AK9: variants seen among roughly 807,000 people sequenced by gnomAD.
AK9 encodes the protein adenylate kinase 9.
Under a neutral mutation model 239.6 loss-of-function variants are expected in AK9, and 191 were observed. The ratio of observed to expected loss-of-function variants is 0.80; its 90% CI spans 0.71 to 0.90. The LOEUF is 0.90. Ranked by LOEUF, AK9 falls within the 40% of genes least tolerant of loss-of-function variation. The pLI, the probability that AK9 is intolerant of heterozygous loss-of-function variation, is 0.00. For synonymous variants in AK9, 689 were observed against 721.0 expected, an observed-to-expected ratio of 0.96 and a Z score of 0.71; for missense variants, 1,995 against 2,214.7, an observed-to-expected ratio of 0.90 and a Z score of 1.99.
chr6:109,665,034 C>A (rs566724439), intron 5 of AK9, among the ~76,000 whole-genome samples: 48 of 152,004 alleles, frequency 3.2e-4, no homozygotes, highest in Non-Finnish European at 5.7e-4. Flanking sequence ...AGCGAGACTC[C>A]GTCTCAAAAA....
At chr6:109,582,210 C>G (rs1766108128) in intron 19 of AK9, among the ~76,000 whole-genome samples, 2 of 152,172 alleles carry the variant, frequency 1.3e-5, no homozygotes, top group Non-Finnish European at 2.9e-5. Context: ...CATAACGCAG[C>G]CCATGGATCA....
In AK9 at chr6:109,516,462, C is replaced by T. The variant is rs1411145022; in HGVS notation, c.3814G>A (p.Glu1272Lys). 1 of 1,551,304 alleles carries T rather than the reference C, an allele frequency of 6.4e-7. No individual in the cohort carries two copies. The highest frequency in any genetic ancestry group is 1.4e-5 in the African/African-American group (1 of 72,998). The change falls in exon 30 of 41, where the codon GAA (glutamate) becomes AAA (lysine). Residue 1272 changes from glutamate (E) to lysine (K), a missense_variant. This residue lies in a region of AK9 where 1,290 missense variants were observed against 1,392.7 expected (regional missense o/e 0.93). Coordinates refer to ENST00000424296, the MANE Select transcript of AK9 (RefSeq NM_001145128.3). ...ATTTGTAAATTATGTGTATCTGCTT[C>T]AAATTTTTCTCCTAGTTCACCTCTC... is the stretch of plus-strand genomic sequence containing the variant. Reference protein sequence around the residue: ...RLRGELGEKFEADTHNLQIIQ... With the variant: ...RLRGELGEKFKADTHNLQIIQ...
At position 109,641,614 on chromosome 6, in the gene AK9, A is replaced by G. The variant is rs1284314613; in HGVS notation, c.837T>C (p.Ile279=). 1.9e-6 allele frequency: 3 copies of G among 1,608,126 alleles called. No homozygotes were observed. The South Asian group carries it at 3.3e-5, about 18-fold the overall frequency. ...TCAGATATTTAAGTCGATCCATAAC[A>G]ATCTAGATTTAAAGAACAGATATTT... is the stretch of plus-strand genomic sequence containing the variant. ...GNKPAEELFM[I]VMDRLKYLNL... is the part of the protein sequence containing the mutation. The change falls in exon 10 of 41, where the codon ATT becomes ATC. Residue 279 remains isoleucine (I), a splice_region_variant and synonymous_variant. Coordinates refer to ENST00000424296, the MANE Select transcript of AK9 (RefSeq NM_001145128.3).
At chr6:109,581,285 GA>G (rs1298717769) in intron 19 of AK9, among the ~76,000 whole-genome samples, 1 of 152,160 alleles carries the variant, frequency 6.6e-6, no homozygotes, top group Admixed American at 6.6e-5. Flanking sequence ...TCAAAAGCTA[GA>G]AATGGCTAAG....
chr6:109,618,641 T>C (rs1376580062), intron 13 of AK9, among the ~76,000 whole-genome samples: 4 of 152,126 alleles, frequency 2.6e-5, no homozygotes, highest in African/African-American at 9.7e-5. Context: ...GAGAAGGGTG[T>C]TAAGTGATCA....
chr6:109,656,804 A>T lies in AK9; in HGVS notation c.711T>A (p.Val237=). 1 of 1,609,646 alleles carries T rather than the reference A, an allele frequency of 6.2e-7. No individual in the cohort carries two copies. The highest frequency in any genetic ancestry group is 8.5e-7 in the Non-Finnish European group (1 of 1,176,366). The change falls in exon 8 of 41, where the codon GTT becomes GTA. Residue 237 remains valine (V), a synonymous_variant. Transcript: ENST00000424296. The part of the protein sequence containing the change: ...VQRPEDYLEN[V]ENIVKLYKET... ...CCTTATAAAGCTTAACAATGTTTTCAACATTTTCCAAATAATCTTCAGGCC... is the reference window on the plus strand; with the variant it reads ...CCTTATAAAGCTTAACAATGTTTTCTACATTTTCCAAATAATCTTCAGGCC...
At chr6:109,515,595 T>C (rs1779196283) in intron 31 of AK9, among the ~76,000 whole-genome samples, 1 of 152,086 alleles carries the variant, frequency 6.6e-6, no homozygotes, top group Non-Finnish European at 1.5e-5. Context: ...GTGAAGTTCA[T>C]GGATGGGAGT....
intron 29 of AK9, chr6:109,528,552 T>C (rs943302032): frequency 1.5e-5 from 7 of 456,922 alleles, no homozygotes; most frequent in African/African-American, 1.4e-4. Flanking sequence ...GTTGTGAATA[T>C]TTTGTTTTGA....
At chr6:109,520,239 A>G (rs1047282493) in intron 29 of AK9, among the ~76,000 whole-genome samples, 16 of 152,160 alleles carry the variant, frequency 1.1e-4, no homozygotes, top group African/African-American at 2.4e-4. Context: ...TAGGAATCAT[A>G]TAGTCTGAGG....
intron 5 of AK9, among the ~76,000 whole-genome samples, chr6:109,664,025 T>G (rs993853696): frequency 6.6e-6 from 1 of 152,232 alleles, no homozygotes. Context: ...AGTTGGACAT[T>G]GAAGAGATTG....
intron 25 of AK9, among the ~76,000 whole-genome samples, chr6:109,547,316 A>T (rs9480973): frequency 0.58 from 88,569 of 152,122 alleles, 27,483 homozygotes; most frequent in East Asian, 0.84. Flanking sequence ...ATATATTGTG[A>T]TGTATATATC....
chr6:109,611,447 T>A (rs1793571826), intron 16 of AK9, among the ~76,000 whole-genome samples: 1 of 152,222 alleles, frequency 6.6e-6, no homozygotes, highest in Admixed American at 6.5e-5. Flanking sequence ...TCTTCCTTCA[T>A]ACAGCAACCC....
At chr6:109,534,287 A>T (rs1010775291) in intron 27 of AK9, among the ~76,000 whole-genome samples, 15 of 150,200 alleles carry the variant, frequency 1.0e-4, no homozygotes, top group South Asian at 4.2e-4. Flanking sequence ...ACTTATTTTA[A>T]TTTATTTTAT....
intron 19 of AK9, among the ~76,000 whole-genome samples, chr6:109,584,445 G>C (rs774215192): frequency 8.5e-5 from 13 of 152,086 alleles, no homozygotes; most frequent in Admixed American, 7.9e-4. Flanking sequence ...AAATCCCAGT[G>C]GACAAATTAA....
chr6:109,611,551 T>TTG (rs147740065), intron 16 of AK9, among the ~76,000 whole-genome samples: 28 of 151,492 alleles, frequency 1.8e-4, no homozygotes, highest in East Asian at 3.9e-4. Flanking sequence ...CAAGCAGAGT[T>TTG]TGTGTGTGTG....
At chr6:109,497,435 C>A in intron 38 of AK9, 30 bp downstream of exon 38, 1 of 1,417,454 alleles carries the variant, frequency 7.1e-7, no homozygotes, top group South Asian at 1.2e-5. Context: ...CACAGATTTT[C>A]AGTAAATATT....
At chr6:109,530,186 C>A (rs1028421277) in intron 28 of AK9, among the ~76,000 whole-genome samples, 2 of 152,160 alleles carry the variant, frequency 1.3e-5, no homozygotes, top group Non-Finnish European at 2.9e-5. Flanking sequence ...ACTCTGTAAA[C>A]TGGTCTCCCT....
At chr6:109,558,692 G>A (rs1318848652) in intron 24 of AK9, among the ~76,000 whole-genome samples, 1 of 151,910 alleles carries the variant, frequency 6.6e-6, no homozygotes, top group Non-Finnish European at 1.5e-5. Flanking sequence ...TCTAAAATTT[G>A]TTTTCATTAT....
intron 27 of AK9, among the ~76,000 whole-genome samples, chr6:109,540,319 A>C (rs570166364): frequency 1.3e-5 from 2 of 152,160 alleles, no homozygotes; most frequent in East Asian, 3.9e-4. Context: ...CCCCTCCCCC[A>C]GCCTCGCTGC....
Sources: allele counts gnomAD v4.1 joint callset (sites outside exome capture counted in the v4.1 genomes callset), GRCh38; gene constraint gnomAD v4.1.1; regional missense constraint gnomAD v4.1.1; transcripts MANE v1.5; gene names NCBI Gene and HGNC (gene_info 2026-07-23, HGNC 2026-07-21).